LOC400499: variants seen among roughly 807,000 people sequenced by gnomAD.
the LOC400499 span, among the ~76,000 whole-genome samples, chr16:11,406,782 G>A: frequency 2.0e-3 from 299 of 152,332 alleles, 1 homozygote; most frequent in African/African-American, 6.7e-3. Context: ...GCTAGCTCAT[G>A]TGTCGTCTCT....
chr16:11,376,578 C>T, the LOC400499 span, among the ~76,000 whole-genome samples: 17 of 152,218 alleles, frequency 1.1e-4, no homozygotes, highest in Non-Finnish European at 2.1e-4. Context: ...CAGTACCACA[C>T]TTTTGACCAC....
the LOC400499 span, among the ~76,000 whole-genome samples, chr16:11,461,789 G>A: frequency 2.0e-5 from 3 of 152,132 alleles, no homozygotes; most frequent in Admixed American, 6.6e-5. Context: ...ACACCCAGGC[G>A]CCACTACCCC....
chr16:11,460,922 G>C, the LOC400499 span: 3 of 1,493,224 alleles, frequency 2.0e-6, 1 homozygote, highest in South Asian at 3.8e-5. Flanking sequence ...GGCAGGCCCT[G>C]CCACCTCCAC....
At chr16:11,435,615 C>A in the LOC400499 span, 464 of 399,312 alleles carry the variant, frequency 1.2e-3, 3 homozygotes, top group African/African-American at 8.8e-3. Context: ...AGCCTTTTGG[C>A]CTCTGTGGTC....
chr16:11,395,792 G>A, the LOC400499 span, among the ~76,000 whole-genome samples: 3 of 152,160 alleles, frequency 2.0e-5, no homozygotes, highest in Non-Finnish European at 4.4e-5. Context: ...GGATGGAAAC[G>A]CCGAGAGAGC....
chr16:11,469,518 G>A, the LOC400499 span: 4 of 398,966 alleles, frequency 1.0e-5, no homozygotes, highest in East Asian at 7.1e-5. Flanking sequence ...CGTCCAGCTC[G>A]ATTTTCTTCT....
the LOC400499 span, among the ~76,000 whole-genome samples, chr16:11,442,845 G>C: frequency 6.6e-6 from 1 of 152,136 alleles, no homozygotes; most frequent in Non-Finnish European, 1.5e-5. Context: ...ACTTCTGCAG[G>C]TGTCTAAGGC....
chr16:11,487,822 A>T, the LOC400499 span, among the ~76,000 whole-genome samples: 1 of 152,190 alleles, frequency 6.6e-6, no homozygotes, highest in Non-Finnish European at 1.5e-5. Context: ...GAATTTAATA[A>T]AACAGTGTTT....
the LOC400499 span, among the ~76,000 whole-genome samples, chr16:11,497,685 T>C: frequency 6.6e-6 from 1 of 151,954 alleles, no homozygotes; most frequent in Admixed American, 6.6e-5. Context: ...GAGGCCTGGG[T>C]GCTGAGCAGT....
chr16:11,427,739 C>G, the LOC400499 span, among the ~76,000 whole-genome samples: 1 of 152,168 alleles, frequency 6.6e-6, no homozygotes, highest in Admixed American at 6.5e-5. Flanking sequence ...AGCCACTGCT[C>G]TCAGCTGAGA....
chr16:11,385,359 T>A, the LOC400499 span: 23 of 1,232,036 alleles, frequency 1.9e-5, no homozygotes, highest in Non-Finnish European at 2.3e-5. Flanking sequence ...GGTGCTGAGG[T>A]CCCATACCCG....
chr16:11,402,781 G>T, the LOC400499 span, among the ~76,000 whole-genome samples: 7 of 152,274 alleles, frequency 4.6e-5, no homozygotes, highest in Admixed American at 2.6e-4. Flanking sequence ...TGAGCAAGGC[G>T]CCACGCTTGC....
At chr16:11,458,241 G>A in the LOC400499 span, among the ~76,000 whole-genome samples, 1 of 152,214 alleles carries the variant, frequency 6.6e-6, no homozygotes, top group African/African-American at 2.4e-5. Flanking sequence ...AGGTACTCAG[G>A]AGGCTGAGGC....
the LOC400499 span, chr16:11,439,648 GGCT>G: frequency 2.5e-6 from 1 of 398,674 alleles, no homozygotes; most frequent in Non-Finnish European, 4.4e-6. Flanking sequence ...ACTAGGAGGT[GGCT>G]ACTGGGCAAA....
chr16:11,448,039 C>T, the LOC400499 span: 21 of 1,535,980 alleles, frequency 1.4e-5, no homozygotes, highest in East Asian at 2.4e-5. Flanking sequence ...GGCACCAATC[C>T]GCACAGCCGT....
At chr16:11,522,234 G>C in the LOC400499 span, 4 of 397,792 alleles carry the variant, frequency 1.0e-5, no homozygotes, top group Non-Finnish European at 1.8e-5. Flanking sequence ...TGAGCTGCCT[G>C]TCCCCAGCTT....
chr16:11,483,994 CTTTTTTTTTTTTTTTTT>C, the LOC400499 span, among the ~76,000 whole-genome samples: 1 of 34,828 alleles, frequency 2.9e-5, no homozygotes, highest in African/African-American at 1.3e-4. Flanking sequence ...GAGGAAGGGA[CTTTTTTTTTTTTTTTTT>C]TTTTTTTTTT....
chr16:11,460,018 G>A, the LOC400499 span: 3 of 1,485,648 alleles, frequency 2.0e-6, no homozygotes, highest in Admixed American at 2.1e-5. Context: ...AGCTGTGAGT[G>A]CAGGTGGCCC....
the LOC400499 span, chr16:11,446,836 C>A: frequency 2.0e-6 from 3 of 1,536,070 alleles, no homozygotes; most frequent in Non-Finnish European, 8.7e-7. Context: ...CAGGGAATAG[C>A]GCTGGTGTCG....
Sources: allele counts gnomAD v4.1 joint callset (sites outside exome capture counted in the v4.1 genomes callset), GRCh38; gene constraint gnomAD v4.1.1; transcripts MANE v1.5.